The following CNOT4 variants were observed in gnomAD, a reference collection of about 807,000 sequenced individuals.
CNOT4 encodes CCR4-associated factor 4.
A neutral mutation model predicts 73.8 loss-of-function variants in CNOT4; 8 were observed. The ratio of observed to expected loss-of-function variants is 0.11; its 90% CI spans 0.06 to 0.20. The LOEUF (loss-of-function observed/expected upper bound fraction) is 0.20, where lower values mean the gene tolerates loss of function less well. CNOT4 is among the 10% of genes least tolerant of loss of function. The pLI, the probability that CNOT4 is intolerant of heterozygous loss-of-function variation, is 1.00. For missense variants in CNOT4, 564 were observed against 883.4 expected (o/e 0.64, Z 4.58); for synonymous variants, 293 against 321.1 (o/e 0.91, Z 0.94).
chr7:135,464,963 T>C (rs929854687), intron 1 of CNOT4, among the ~76,000 whole-genome samples: 3 of 152,022 alleles, frequency 2.0e-5, no homozygotes, highest in African/African-American at 7.2e-5. Flanking sequence ...AAGCTACTAA[T>C]TTGAATTGGA....
chr7:135,464,639 AC>A (rs770753731), intron 1 of CNOT4, among the ~76,000 whole-genome samples: 4 of 152,242 alleles, frequency 2.6e-5, no homozygotes, highest in Non-Finnish European at 5.9e-5. Context: ...TATGTAACAA[AC>A]CTTATCATGT....
chr7:135,405,543 T>A (rs1319672063), intron 7 of CNOT4, among the ~76,000 whole-genome samples: 1 of 152,224 alleles, frequency 6.6e-6, no homozygotes, highest in Non-Finnish European at 1.5e-5. Flanking sequence ...CTGCAAGGCT[T>A]CATCACTTCC....
At chr7:135,496,769 C>T (rs973493345) in intron 1 of CNOT4, among the ~76,000 whole-genome samples, 3 of 151,968 alleles carry the variant, frequency 2.0e-5, no homozygotes, top group Admixed American at 6.6e-5. Flanking sequence ...ACCCCTGAAA[C>T]GTAGGAACCC....
chr7:135,372,555 G>GT (rs10617849), intron 10 of CNOT4, among the ~76,000 whole-genome samples: 30,220 of 119,180 alleles, frequency 0.25, 3,832 homozygotes, highest in East Asian at 0.51. Flanking sequence ...TTGCTACCAT[G>GT]TTTTTTTTTT....
At chr7:135,414,114 T>A (rs2129484176) in intron 5 of CNOT4, among the ~76,000 whole-genome samples, 1 of 152,124 alleles carries the variant, frequency 6.6e-6, no homozygotes, top group South Asian at 2.1e-4. Context: ...TAAAAGATTA[T>A]CCCCGATAAT....
At chr7:135,422,998 G>A (rs1176927136) in intron 2 of CNOT4, among the ~76,000 whole-genome samples, 1 of 152,110 alleles carries the variant, frequency 6.6e-6, no homozygotes, top group Admixed American at 6.5e-5. Flanking sequence ...CTATCTAAGT[G>A]ACTTTGGTAA....
intron 2 of CNOT4, among the ~76,000 whole-genome samples, chr7:135,422,652 T>G (rs569079926): frequency 1.6e-4 from 25 of 152,178 alleles, no homozygotes; most frequent in African/African-American, 4.6e-4. Flanking sequence ...CCAACAGAGT[T>G]TATGGGAAGA....
intron 1 of CNOT4, among the ~76,000 whole-genome samples, chr7:135,483,781 A>G (rs1285940874): frequency 1.3e-5 from 2 of 152,168 alleles, no homozygotes; most frequent in Admixed American, 6.6e-5. Flanking sequence ...GCACCATTGC[A>G]CTCCAGCCTG....
chr7:135,467,335 T>C (rs532867202), intron 1 of CNOT4, among the ~76,000 whole-genome samples: 1 of 152,346 alleles, frequency 6.6e-6, no homozygotes, highest in South Asian at 2.1e-4. Context: ...TGTGCAAATC[T>C]GTCTATTCCA....
chr7:135,446,964 A>G (rs1393259987), intron 1 of CNOT4, among the ~76,000 whole-genome samples: 3 of 146,326 alleles, frequency 2.1e-5, no homozygotes, highest in South Asian at 2.2e-4. Context: ...GGACTTCACA[A>G]TTAGTCTGTT....
chr7:135,394,152 G>A lies in CNOT4; in HGVS notation c.1393C>T (p.Leu465Phe). The A allele has an allele frequency of 1.9e-6, 3 of 1,614,230 alleles. No individual in the cohort carries two copies. Among genetic ancestry groups the A allele is most frequent in the Non-Finnish European group, 2.5e-6 (3 of 1,180,036 alleles). Reference sequence around the variant, plus strand: ...GGCAAGACTGAAAAGGTACTATTGAGAGAATTGGCATTTGTAGCTGCAGCA... The same window carrying A: ...GGCAAGACTGAAAAGGTACTATTGAAAGAATTGGCATTTGTAGCTGCAGCA... ...HPAAATNANS[L>F]NSTFSVLPQR... The change falls in exon 10 of 12, where the codon CTC becomes TTC. Residue 465 changes from leucine to phenylalanine, a missense_variant. Coordinates refer to ENST00000541284, the MANE Select transcript of CNOT4 (RefSeq NM_001190850.2).
chr7:135,401,448 C>CT (rs1437231932), intron 7 of CNOT4, among the ~76,000 whole-genome samples: 17 of 152,214 alleles, frequency 1.1e-4, no homozygotes, highest in African/African-American at 3.6e-4. Context: ...TTGCACAGGG[C>CT]TTTTTTTATT....
At chr7:135,390,708 T>A (rs1386504360) in intron 10 of CNOT4, among the ~76,000 whole-genome samples, 1 of 152,144 alleles carries the variant, frequency 6.6e-6, no homozygotes, top group Non-Finnish European at 1.5e-5. Flanking sequence ...CTTTAATAAT[T>A]CACTGAACAA....
At chr7:135,413,878 A>C (rs1797709244) in intron 5 of CNOT4, among the ~76,000 whole-genome samples, 1 of 152,032 alleles carries the variant, frequency 6.6e-6, no homozygotes, top group African/African-American at 2.4e-5. Context: ...TAAGGAGAGG[A>C]GATAGACAAA....
chr7:135,393,942 C>A lies in CNOT4; in HGVS notation c.1603G>T (p.Gly535Cys). 6.2e-7 allele frequency: 1 copy of A among 1,612,968 alleles called. No individual in the cohort carries two copies. Among genetic ancestry groups the A allele is most frequent in the Non-Finnish European group, 8.5e-7 (1 of 1,179,192 alleles). ...CCTGCTACAGGGATCCCTCCCAGAC[C>A]TGTGTTGTGCTGTGGCGGGAGATTC... ...DLNLPPQHNTGLGGIPVADNS... is the reference protein window; with the variant it reads ...DLNLPPQHNTCLGGIPVADNS... The change falls in exon 10 of 12, where the codon GGT (glycine) becomes TGT (cysteine). Residue 535 changes from glycine (G) to cysteine (C), a missense_variant. By Grantham distance (159) the Gly-to-Cys change is radical. This residue lies in a region of CNOT4 where 153 missense variants were observed against 158.7 expected (regional missense o/e 0.96). Transcript: ENST00000541284.
At chr7:135,477,760 ATATTAG>A (rs1397784615) in intron 1 of CNOT4, among the ~76,000 whole-genome samples, 5 of 152,218 alleles carry the variant, frequency 3.3e-5, no homozygotes, top group African/African-American at 9.6e-5. Context: ...ATAATCCTGT[ATATTAG>A]TATAACAAAA....
At chr7:135,442,408 C>T (rs923923616) in intron 1 of CNOT4, among the ~76,000 whole-genome samples, 1 of 151,472 alleles carries the variant, frequency 6.6e-6, no homozygotes, top group Non-Finnish European at 1.5e-5. Context: ...ACCAGCCTGG[C>T]CAACATGGTG....
intron 2 of CNOT4, among the ~76,000 whole-genome samples, chr7:135,433,308 T>C (rs962684610): frequency 1.3e-5 from 2 of 151,840 alleles, no homozygotes; most frequent in African/African-American, 4.8e-5. Context: ...TCAATGACAA[T>C]GGTTACTGTT....
chr7:135,483,837 T>C (rs142943894), intron 1 of CNOT4, among the ~76,000 whole-genome samples: 7 of 151,852 alleles, frequency 4.6e-5, no homozygotes, highest in African/African-American at 1.7e-4. Context: ...AAAACCAAAC[T>C]CTAAGCAAAC....
Sources: allele counts gnomAD v4.1 joint callset (sites outside exome capture counted in the v4.1 genomes callset), GRCh38; gene constraint gnomAD v4.1.1; regional missense constraint gnomAD v4.1.1; transcripts MANE v1.5; gene names NCBI Gene and HGNC (gene_info 2026-07-23, HGNC 2026-07-21).